STK10: variants seen among roughly 807,000 people sequenced by gnomAD.
The protein encoded by STK10 is serine/threonine-protein kinase 10.
A neutral mutation model predicts 113.8 loss-of-function variants in STK10; 78 were observed. The ratio of observed to expected loss-of-function variants is 0.69; its 90% CI spans 0.57 to 0.83. The LOEUF is 0.83. STK10 is among the 40% of genes least tolerant of loss of function. The pLI is 0.00. For synonymous variants in STK10, 465 were observed against 494.7 expected (o/e 0.94, Z 0.80); for missense variants, 1,109 against 1,280.1 (o/e 0.87, Z 2.04).
At chr5:172,099,938 C>T (rs1177665724) in intron 7 of STK10, among the ~76,000 whole-genome samples, 18 of 152,198 alleles carry the variant, frequency 1.2e-4, no homozygotes, top group Admixed American at 1.2e-3. Context: ...CCTCCCTGAC[C>T]ACCCCAGCGT....
intron 17 of STK10, among the ~76,000 whole-genome samples, chr5:172,053,877 T>A (rs1177287463): frequency 3.3e-5 from 5 of 152,226 alleles, no homozygotes; most frequent in African/African-American, 7.2e-5. Flanking sequence ...GCTCTCTCAG[T>A]GCTCACACTG....
intron 18 of STK10, chr5:172,045,504 A>G (rs1002078120): frequency 2.2e-6 from 1 of 448,282 alleles, no homozygotes; most frequent in Non-Finnish European, 4.4e-6. Flanking sequence ...ACAAAAACAA[A>G]AACAAAATAC....
chr5:172,157,990 C>T lies in STK10; in HGVS notation c.157-1202G>A, dbSNP rs186697870. Among the ~76,000 whole-genome samples, 263 of 152,280 alleles carry T rather than the reference C, an allele frequency of 1.7e-3. 1 individual carries two copies. Among genetic ancestry groups the T allele is most frequent in the Non-Finnish European group, 3.0e-3 (206 of 68,028 alleles). ...AATGAAAAGGCAGACTGCGTAAGTG[C>T]CCACCAGTTACAGCGGAACTGTTTC... On this transcript the variant is annotated intron_variant, in intron 1 of 18. Coordinates refer to ENST00000176763, the MANE Select transcript of STK10 (RefSeq NM_005990.4).
At chr5:172,107,909 G>T in intron 4 of STK10, 57 bp from the exon 5 acceptor site, 2 of 1,527,576 alleles carry the variant, frequency 1.3e-6, no homozygotes, top group South Asian at 1.1e-5. Context: ...GTAAAAGCCG[G>T]GGATGTGGAC....
intron 2 of STK10, among the ~76,000 whole-genome samples, chr5:172,140,466 G>A (rs887159378): frequency 6.6e-6 from 1 of 152,238 alleles, no homozygotes; most frequent in African/African-American, 2.4e-5. Flanking sequence ...GGAGGCCGAG[G>A]CAGGTGGATC....
chr5:172,059,762 G>A (rs1767893587), intron 14 of STK10, among the ~76,000 whole-genome samples: 1 of 152,064 alleles, frequency 6.6e-6, no homozygotes, highest in African/African-American at 2.4e-5. Context: ...ATTCTGTAAG[G>A]GACCCCCTCA....
intron 4 of STK10, among the ~76,000 whole-genome samples, chr5:172,116,816 C>T (rs541870531): frequency 2.0e-5 from 3 of 152,016 alleles, no homozygotes; most frequent in South Asian, 2.1e-4. Flanking sequence ...TGCAGTGAGC[C>T]GAGATTTCGC....
In STK10 at chr5:172,156,692, G is replaced by A. The variant is rs375695347; in HGVS notation, c.253C>T (p.Leu85=). 1 of 1,614,186 alleles carries A rather than the reference G, an allele frequency of 6.2e-7. No individual in the cohort carries two copies. The highest frequency in any genetic ancestry group is 1.3e-5 in the African/African-American group (1 of 75,054). ...LEDYIVEIEI[L]ATCDHPYIVK... ...ATGTAGGGGTGGTCGCAGGTGGCCA[G>A]GATCTCAATCTCCACGATGTAGTCC... is the stretch of plus-strand genomic sequence containing the variant. The change falls in exon 2 of 19, where the codon CTG becomes TTG. Residue 85 remains leucine, a synonymous_variant. Coordinates refer to ENST00000176763, the MANE Select transcript of STK10 (RefSeq NM_005990.4).
At chr5:172,136,691 T>A (rs7723657) in intron 2 of STK10, among the ~76,000 whole-genome samples, 1 of 152,046 alleles carries the variant, frequency 6.6e-6, no homozygotes, top group East Asian at 1.9e-4. Flanking sequence ...AGAGGAGGAA[T>A]GTGCCCACCT....
intron 4 of STK10, among the ~76,000 whole-genome samples, chr5:172,117,085 C>T (rs907846111): frequency 6.6e-6 from 1 of 151,960 alleles, no homozygotes; most frequent in African/African-American, 2.4e-5. Flanking sequence ...TCGAGACCAG[C>T]TTGGCCAACA....
intron 7 of STK10, among the ~76,000 whole-genome samples, chr5:172,103,992 C>T (rs112146384): frequency 0.012 from 1,891 of 152,316 alleles, 42 homozygotes; most frequent in African/African-American, 0.042. Context: ...GACTTTCCCG[C>T]CCCAGCTCAC....
Position 172,119,105 on chromosome 5 carries a change from G to A in STK10, c.371-1475C>T, listed in dbSNP as rs188367579. Among the ~76,000 whole-genome samples the A allele has an allele frequency of 1.4e-4, 21 of 152,218 alleles. No individual in the cohort carries two copies. The East Asian group carries it at 4.1e-3, about 29-fold the overall frequency. On this transcript the variant is annotated intron_variant, in intron 3 of 18. Coordinates refer to ENST00000176763, the MANE Select transcript of STK10 (RefSeq NM_005990.4). The stretch of plus-strand genomic sequence containing the variant: ...ATGGGGAGACACAGCGCCCACGTGC[G>A]CACGCTGCAGATCACTCAGTGTCCA...
chr5:172,084,220 G>A (rs1202252583), intron 10 of STK10, among the ~76,000 whole-genome samples: 3 of 151,868 alleles, frequency 2.0e-5, no homozygotes, highest in Non-Finnish European at 4.4e-5. Context: ...TGACCAACAT[G>A]GAGAACCCCA....
chr5:172,185,853 G>A (rs1233727102), intron 1 of STK10, among the ~76,000 whole-genome samples: 1 of 152,218 alleles, frequency 6.6e-6, no homozygotes, highest in African/African-American at 2.4e-5. Context: ...TCAAATATGG[G>A]CAAGGCCCTC....
chr5:172,062,737 G>A (rs887357510), intron 13 of STK10, among the ~76,000 whole-genome samples: 6 of 152,208 alleles, frequency 3.9e-5, no homozygotes, highest in African/African-American at 1.4e-4. Flanking sequence ...CCAAGGGTTG[G>A]AGGAGAAGAA....
chr5:172,056,195 C>T (rs1419842692), intron 15 of STK10, among the ~76,000 whole-genome samples: 1 of 152,236 alleles, frequency 6.6e-6, no homozygotes, highest in Non-Finnish European at 1.5e-5. Context: ...TCACCTCCTC[C>T]AAGAAGCCTT....
intron 2 of STK10, among the ~76,000 whole-genome samples, chr5:172,145,563 G>A (rs1005651455): frequency 4.6e-5 from 7 of 152,194 alleles, no homozygotes; most frequent in South Asian, 2.1e-4. Flanking sequence ...CAGCCTTCCC[G>A]GATTCATTAG....
chr5:172,090,458 C>T, intron 9 of STK10, 96 bp from the exon 10 acceptor site: 1 of 1,501,472 alleles, frequency 6.7e-7, no homozygotes, highest in Non-Finnish European at 9.0e-7. Flanking sequence ...GGGCCCACAG[C>T]TTCAGAACCA....
chr5:172,182,164 G>T (rs1581194230), intron 1 of STK10, among the ~76,000 whole-genome samples: 1 of 151,750 alleles, frequency 6.6e-6, no homozygotes, highest in Non-Finnish European at 1.5e-5. Flanking sequence ...TTAGCCGGGT[G>T]TGGCGGTGCG....
Sources: gnomAD v4.1 joint callset for allele counts (sites outside exome capture counted in the v4.1 genomes callset) on GRCh38, gnomAD v4.1.1 for gene constraint, MANE v1.5 for transcripts, NCBI Gene and HGNC (gene_info 2026-07-23, HGNC 2026-07-21) for gene names.